The following SNED1 variants were observed in gnomAD, a reference collection of about 807,000 sequenced individuals.
The protein encoded by SNED1 is sushi, nidogen and EGF like domains 1.
A neutral mutation model predicts 166.7 loss-of-function variants in SNED1; 81 were observed. That is an observed-to-expected ratio of 0.49 (90% CI 0.41 to 0.58). SNED1 has a LOEUF of 0.58. Ranked by LOEUF, SNED1 falls within the 20% of genes least tolerant of loss-of-function variation. The pLI is 0.00. For missense variants in SNED1, 1,604 were observed against 2,000.2 expected, an observed-to-expected ratio of 0.80 and a Z score of 3.78; for synonymous variants, 762 against 822.0, an observed-to-expected ratio of 0.93 and a Z score of 1.25.
intron 2 of SNED1, among the ~76,000 whole-genome samples, chr2:241,031,228 G>A (rs1207800743): frequency 2.6e-5 from 4 of 151,948 alleles, no homozygotes; most frequent in Middle Eastern, 3.2e-3. Context: ...GCAATAGCAC[G>A]ATCTCAGCTC....
chr2:241,079,140 CG>C (rs1448670737), intron 27 of SNED1, among the ~76,000 whole-genome samples: 1 of 137,686 alleles, frequency 7.3e-6, no homozygotes, highest in Non-Finnish European at 1.5e-5. Context: ...AGGCCGGGCG[CG>C]GTGGCTCACA....
rs1238468979 is a variant in SNED1, at chr2:240,998,658, G to A, written c.-180G>A. On this transcript the variant is annotated 5_prime_UTR_variant, in exon 1 of 32. Transcript: ENST00000310397. ...CCCGCCCGGCGCTTTCCTCTGCGGA[G>A]CTGCGGCGAGAGCGCGGCCCGGCCG... Among the ~76,000 whole-genome samples, 1 of 150,836 alleles carries A rather than the reference G, an allele frequency of 6.6e-6. No individual in the cohort carries two copies. The highest frequency in any genetic ancestry group is 1.5e-5 in the Non-Finnish European group (1 of 67,678).
intron 8 of SNED1, among the ~76,000 whole-genome samples, chr2:241,042,693 T>C (rs1382567597): frequency 6.6e-6 from 1 of 152,182 alleles, no homozygotes; most frequent in East Asian, 1.9e-4. Flanking sequence ...TAAAAACTTG[T>C]AGAAATGAAA....
chr2:241,071,954 C>T (rs1395331256), intron 26 of SNED1, 76 bp downstream of exon 26: 2 of 1,216,072 alleles, frequency 1.6e-6, no homozygotes, highest in Non-Finnish European at 2.4e-6. Context: ...GGTCCTGTCC[C>T]CTACATGATG....
At chr2:241,087,180 A>G (rs1373734980) in intron 29 of SNED1, 2 of 549,308 alleles carry the variant, frequency 3.6e-6, no homozygotes, top group Admixed American at 3.6e-5. Flanking sequence ...TATTTTATGC[A>G]TATTACTGTA....
In SNED1 at chr2:241,018,458, A is replaced by G. The variant is rs1364472431; in HGVS notation, c.214-11826A>G. Among the ~76,000 whole-genome samples the G allele has an allele frequency of 2.0e-5, 3 of 152,100 alleles. No individual in the cohort carries two copies. The highest frequency in any genetic ancestry group is 7.2e-5 in the African/African-American group (3 of 41,424). On this transcript the variant is annotated intron_variant, in intron 1 of 31. Coordinates refer to ENST00000310397, the MANE Select transcript of SNED1 (RefSeq NM_001080437.3). This position sits in a 1 kb window ranked among gnomAD's most constrained non-coding sequence, Gnocchi z 5.4. ...GTGCTGGATTTAAGGGGCAAAGAAC[A>G]TTCGTTGTTCACTCAGCCCCCTGCA...
rs28529274 is a variant in SNED1, at chr2:241,052,486, A to C, written c.2083+18A>C. ...CCAGGCAGGTGAGAGGGTCAGGGGGATCAAGCAGGGTACATGGGATACCAG... is the reference window on the plus strand; with the variant it reads ...CCAGGCAGGTGAGAGGGTCAGGGGGCTCAAGCAGGGTACATGGGATACCAG... On this transcript the variant is annotated intron_variant, in intron 15 of 31. Coordinates refer to ENST00000310397, the MANE Select transcript of SNED1 (RefSeq NM_001080437.3). The C allele has an allele frequency of 2.6e-5, 37 of 1,447,058 alleles. No homozygotes were observed. In the African/African-American group the frequency reaches 4.3e-4, roughly 17 times the overall value. The allele number at this position is 1,447,058 out of a possible 1,614,324, so 89.6% of individuals were successfully genotyped here. A position where few individuals can be genotyped will look rare whatever the true frequency, so the allele number is the denominator to read the frequency against.
intron 1 of SNED1, among the ~76,000 whole-genome samples, chr2:241,024,264 T>TTTTTTTTTTTTTTTTTTTA (rs2060871972): frequency 8.2e-6 from 1 of 121,744 alleles, no homozygotes; most frequent in African/African-American, 3.1e-5. Context: ...TTTTTTTTTT[T>TTTTTTTTTTTTTTTTTTTA]AGACAGAGTC....
At chr2:241,044,746 G>A (rs529745733) in intron 8 of SNED1, among the ~76,000 whole-genome samples, 1 of 152,286 alleles carries the variant, frequency 6.6e-6, no homozygotes, top group Non-Finnish European at 1.5e-5. Flanking sequence ...CCAGTTGGAG[G>A]TGCTGTGGTT....
At chr2:241,007,792 A>G (rs1170902183) in intron 1 of SNED1, among the ~76,000 whole-genome samples, 1 of 152,174 alleles carries the variant, frequency 6.6e-6, no homozygotes, top group Non-Finnish European at 1.5e-5. Flanking sequence ...ATGACAATAC[A>G]AGATTCCATT....
rs756983755 is a variant in SNED1 at position 241,062,844 on chromosome 2, C to G, written c.2311C>G (p.Arg771Gly). The G allele has an allele frequency of 5.0e-6, 8 of 1,611,836 alleles. No homozygotes were observed. Among genetic ancestry groups the G allele is most frequent in the East Asian group, 4.5e-5 (2 of 44,836 alleles). The change falls in exon 17 of 32, where the codon CGC becomes GGC. Residue 771 changes from arginine to glycine, a missense_variant. Around this residue, in one of 2 missense-constraint regions of SNED1, gnomAD observed 1,237 missense variants for 1,620.8 expected, o/e 0.76. Coordinates refer to ENST00000310397, the MANE Select transcript of SNED1 (RefSeq NM_001080437.3). Reference protein sequence around the residue: ...PCLHGGSCQDRVAGYLCLCST... With the variant: ...PCLHGGSCQDGVAGYLCLCST... ...CCTGCATGGGGGCTCTTGTCAGGAC[C>G]GCGTTGCTGGGTACCTGTGCCTCTG...
In SNED1 at chr2:241,040,078, A is replaced by T. The variant is rs1018240086; in HGVS notation, c.1049A>T (p.Gln350Leu). The change falls in exon 7 of 32, where the codon CAA becomes CTA. Residue 350 changes from glutamine to leucine, a missense_variant. Physicochemically the swap from Gln to Leu is moderately radical, Grantham distance 113 (BLOSUM62 -2). Coordinates refer to ENST00000310397, the MANE Select transcript of SNED1 (RefSeq NM_001080437.3). Reference sequence around the variant, plus strand: ...TGTCTACACCTCCTCACTCTAGCCCAATCCCCCTGTGACACCAAAGAGTGT... The same window carrying T: ...TGTCTACACCTCCTCACTCTAGCCCTATCCCCCTGTGACACCAAAGAGTGT... ...GFGGPTCETA[Q>L]SPCDTKECQH... The T allele has an allele frequency of 4.4e-6, 7 of 1,578,094 alleles. No individual in the cohort carries two copies. The highest frequency in any genetic ancestry group is 5.2e-6 in the Non-Finnish European group (6 of 1,161,482).
rs57902432 is a variant in SNED1 at position 241,057,380 on chromosome 2, AATATATATAT to A, written c.2257+4077_2257+4086del. Among the ~76,000 whole-genome samples, 815 of 118,068 alleles carry A rather than the reference AATATATATAT, an allele frequency of 6.9e-3. 15 individuals are homozygous for A. Among genetic ancestry groups the A allele is most frequent in the African/African-American group, 0.018 (470 of 26,158 alleles). 77.5% of individuals were successfully genotyped at this position (118,068 alleles called of 152,430 possible). A position where few individuals can be genotyped will look rare whatever the true frequency, so the allele number is the denominator to read the frequency against. On this transcript the variant is annotated intron_variant, in intron 16 of 31. Coordinates refer to ENST00000310397, the MANE Select transcript of SNED1 (RefSeq NM_001080437.3). ...GGCGACGAGCAAAACTCCATCTCAA[AATATATATAT>A]ATATATATATATATATATATATGCC...
chr2:241,082,164 G>C, intron 28 of SNED1, 113 bp from the exon 29 acceptor site: 1 of 798,842 alleles, frequency 1.3e-6, no homozygotes, highest in Non-Finnish European at 2.1e-6. Context: ...ATCCCGCCTT[G>C]GAGGAAGCCA....
Position 241,071,701 on chromosome 2 carries a change from A to AACCCC in SNED1, c.3715_3716insACCCC (p.Thr1239AsnfsTer20). 7.8e-7 allele frequency: 1 copy of AACCCC among 1,281,790 alleles called. No individual in the cohort carries two copies. Among genetic ancestry groups the AACCCC allele is most frequent in the Non-Finnish European group, 1.1e-6 (1 of 928,632 alleles). The allele number at this position is 1,281,790 out of a possible 1,614,324, so 79.4% of individuals were successfully genotyped here. ...GCTCAATGACCACAGCGCCCCCGAG[A>AACCCC]CCCCCACCCAGCCCCCCAGGTACAT... On this transcript the variant is annotated frameshift_variant, in exon 25 of 32. Transcript: ENST00000310397. LOFTEE classifies it high-confidence loss of function.
rs1341649327 is a variant in SNED1 at position 241,094,260 on chromosome 2, C to T, written c.*2624C>T. The T allele has an allele frequency of 4.3e-6, 2 of 468,010 alleles. No homozygotes were observed. The highest frequency in any genetic ancestry group is 8.8e-6 in the Non-Finnish European group (2 of 226,380). The allele number at this position is 468,010 out of a possible 1,614,324, so 29.0% of individuals were successfully genotyped here. On this transcript the variant is annotated 3_prime_UTR_variant, in exon 32 of 32. Transcript: ENST00000310397. The surrounding 1 kb of genome is among the most constrained non-coding windows in gnomAD (Gnocchi z 4.3). ...GAGAACCCAACAGGCAAGGGCCCCA[C>T]TCAGGTATCAGCTCACCTCCTGCAC...
intron 1 of SNED1, among the ~76,000 whole-genome samples, chr2:241,027,731 C>CTTTTT (rs1293401106): frequency 1.5e-5 from 2 of 137,288 alleles, no homozygotes; most frequent in Non-Finnish European, 3.1e-5. Flanking sequence ...TTATTTTCTT[C>CTTTTT]TGTTTTTTTT....
In SNED1 at chr2:241,064,013, G is replaced by T; in HGVS notation, c.2487G>T (p.Glu829Asp). The T allele has an allele frequency of 6.4e-7, 1 of 1,551,864 alleles. No homozygotes were observed. The highest frequency in any genetic ancestry group is 1.2e-5 in the South Asian group (1 of 84,164). The stretch of plus-strand genomic sequence containing the variant: ...GCCCACTCTCTGGGTGTTCTCCAGA[G>T]GTGGACGCCTGCGACTCCAGCCCCT... ...AGFVGVHCET[E>D]VDACDSSPCQ... The change falls in exon 19 of 32, where the codon GAG becomes GAT. Residue 829 changes from glutamate (E) to aspartate (D), a missense_variant and splice_region_variant. Coordinates refer to ENST00000310397, the MANE Select transcript of SNED1 (RefSeq NM_001080437.3). This position sits in a 1 kb window ranked among gnomAD's most constrained non-coding sequence, Gnocchi z 7.0.
At chr2:241,002,957 C>T (rs865778238) in intron 1 of SNED1, among the ~76,000 whole-genome samples, 7 of 152,066 alleles carry the variant, frequency 4.6e-5, no homozygotes, top group Non-Finnish European at 7.4e-5. Context: ...TCCCCACTTG[C>T]CTGGACACCT....
Sources: allele counts gnomAD v4.1 joint callset (sites outside exome capture counted in the v4.1 genomes callset), GRCh38; gene constraint gnomAD v4.1.1; regional missense constraint gnomAD v4.1.1; non-coding constraint Gnocchi (gnomAD v3.1); transcripts MANE v1.5; gene names NCBI Gene and HGNC (gene_info 2026-07-23, HGNC 2026-07-21).